KIAA0825: variants seen among roughly 807,000 people sequenced by gnomAD.
The protein encoded by KIAA0825 is KIAA0825.
Under a neutral mutation model 147.6 loss-of-function variants are expected in KIAA0825, and 119 were observed. The ratio of observed to expected loss-of-function variants is 0.81; its 90% CI spans 0.69 to 0.94. The LOEUF (loss-of-function observed/expected upper bound fraction) is 0.94. Ranked by LOEUF, KIAA0825 falls within the 40% of genes least tolerant of loss-of-function variation. The pLI, the probability that KIAA0825 is intolerant of heterozygous loss-of-function variation, is 0.00. For synonymous variants in KIAA0825, 470 were observed against 518.1 expected (o/e 0.91, Z 1.26); for missense variants, 1,381 against 1,472.7 (o/e 0.94, Z 1.02).
intron 20 of KIAA0825, among the ~76,000 whole-genome samples, chr5:94,290,063 A>T (rs1777820035): frequency 6.6e-6 from 1 of 152,116 alleles, no homozygotes; most frequent in African/African-American, 2.4e-5. Flanking sequence ...AAAATGAACA[A>T]ATTTAATTGA....
chr5:94,452,997 C>T lies in KIAA0825; in HGVS notation c.2319G>A (p.Trp773Ter), dbSNP rs768041816. The T allele has an allele frequency of 2.0e-5, 31 of 1,530,018 alleles. No homozygotes were observed. In the South Asian group the frequency reaches 3.8e-4, roughly 19 times the overall value. The allele number at this position is 1,530,018 out of a possible 1,614,324, so 94.8% of individuals were successfully genotyped here. A position where few individuals can be genotyped will look rare whatever the true frequency, so the allele number is the denominator to read the frequency against. The change falls in exon 13 of 21, where the codon TGG becomes TGA. Residue 773 changes from tryptophan (W) to a stop codon, truncating the protein, a stop_gained. Coordinates refer to ENST00000682413, the MANE Select transcript of KIAA0825 (RefSeq NM_001145678.3). LOFTEE classifies it high-confidence loss of function. ...LKSFFKQPLY[W>*]VSCISHFYPS... Reference sequence around the variant, plus strand: ...GGTAGAAATGTGATATGCAAGAAACCCAATATAATGGTTGCTTAAAAAATG... The same window carrying T: ...GGTAGAAATGTGATATGCAAGAAACTCAATATAATGGTTGCTTAAAAAATG...
Position 94,520,833 on chromosome 5 carries a change from A to G in KIAA0825, c.385T>C (p.Phe129Leu). ...GATGTTCCACTTAGGGTTGATGGGA[A>G]TGAAACGCTGCTGTGGCAGGAGAGG... ...WDLSCHSSVS[F>L]PSTLSGTSFH... The change falls in exon 5 of 21, where the codon TTC (phenylalanine) becomes CTC (leucine). Residue 129 changes from phenylalanine to leucine, a missense_variant. By Grantham distance (22) the Phe-to-Leu change is conservative (BLOSUM62 0). Coordinates refer to ENST00000682413, the MANE Select transcript of KIAA0825 (RefSeq NM_001145678.3). The G allele has an allele frequency of 1.2e-6, 2 of 1,613,090 alleles. No homozygotes were observed. The highest frequency in any genetic ancestry group is 1.7e-6 in the Non-Finnish European group (2 of 1,179,358).
intron 20 of KIAA0825, among the ~76,000 whole-genome samples, chr5:94,171,523 A>T (rs1448192097): frequency 1.3e-5 from 2 of 152,178 alleles, no homozygotes; most frequent in Non-Finnish European, 2.9e-5. Flanking sequence ...TGTTTACCAC[A>T]TTGTCCTTAG....
intron 20 of KIAA0825, among the ~76,000 whole-genome samples, chr5:94,363,484 T>A (rs1262132720): frequency 6.6e-6 from 1 of 152,144 alleles, no homozygotes; most frequent in Non-Finnish European, 1.5e-5. Flanking sequence ...GTGGGTGGGA[T>A]TATAAGGTGA....
At chr5:94,367,212 T>C (rs545423624) in intron 20 of KIAA0825, among the ~76,000 whole-genome samples, 2 of 152,324 alleles carry the variant, frequency 1.3e-5, no homozygotes, top group South Asian at 4.1e-4. Context: ...CTTTATTTTT[T>C]ACACCTGTTG....
intron 6 of KIAA0825, among the ~76,000 whole-genome samples, chr5:94,477,522 CATT>C (rs1426230046): frequency 2.6e-5 from 4 of 151,764 alleles, no homozygotes; most frequent in Admixed American, 2.0e-4. Context: ...AGATTTTTGT[CATT>C]AGTTTATTTT....
chr5:94,204,308 T>C lies in KIAA0825; in HGVS notation c.3711-50184A>G, dbSNP rs189086346. 1.9e-3 allele frequency among the ~76,000 whole-genome samples: 283 copies of C among 152,300 alleles called. 1 individual carries two copies. The highest frequency in any genetic ancestry group is 3.4e-3 in the Admixed American group (52 of 15,300). ...CATTTTTCTCTTTCAGAGTTCAAGT[T>C]CACATTAAAGTAGTTACCCAAGACA... On this transcript the variant is annotated intron_variant, in intron 20 of 20. Coordinates refer to ENST00000682413, the MANE Select transcript of KIAA0825 (RefSeq NM_001145678.3).
intron 1 of KIAA0825, among the ~76,000 whole-genome samples, chr5:94,585,030 C>A (rs929943187): frequency 3.3e-5 from 5 of 152,108 alleles, no homozygotes; most frequent in African/African-American, 1.2e-4. Context: ...TACAAGAGCT[C>A]CTGAAGGAAG....
chr5:94,368,244 C>G (rs1584274950), intron 20 of KIAA0825, among the ~76,000 whole-genome samples: 1 of 152,220 alleles, frequency 6.6e-6, no homozygotes, highest in East Asian at 1.9e-4. Context: ...GCAATCACAG[C>G]TCACTACAGT....
chr5:94,497,429 TTTATATTAGAGAA>T (rs1232306983), intron 5 of KIAA0825, among the ~76,000 whole-genome samples: 3 of 152,152 alleles, frequency 2.0e-5, no homozygotes, highest in East Asian at 1.9e-4. Context: ...CATTATGTAA[TTTATATTAGAGAA>T]TTATATTAGA....
chr5:94,594,275 T>C, intron 1 of KIAA0825: 1 of 629,940 alleles, frequency 1.6e-6, no homozygotes. Context: ...TGGAATGCCC[T>C]GAGTTTCAGA....
intron 20 of KIAA0825, among the ~76,000 whole-genome samples, chr5:94,196,103 G>A (rs531391795): frequency 2.3e-4 from 35 of 152,184 alleles, no homozygotes; most frequent in Non-Finnish European, 4.3e-4. Flanking sequence ...TACGGACCTC[G>A]GCTCCCTTAC....
At chr5:94,262,424 C>T (rs1776542562) in intron 20 of KIAA0825, among the ~76,000 whole-genome samples, 1 of 152,068 alleles carries the variant, frequency 6.6e-6, no homozygotes, top group Admixed American at 6.5e-5. Context: ...TATGTTTAAT[C>T]AGGCTTTTAC....
chr5:94,168,349 AG>A (rs2149940658), intron 20 of KIAA0825, among the ~76,000 whole-genome samples: 1 of 152,296 alleles, frequency 6.6e-6, no homozygotes, highest in South Asian at 2.1e-4. Context: ...CTCAGGAACA[AG>A]CAACAAAACC....
At chr5:94,218,636 C>T (rs183473654) in intron 20 of KIAA0825, among the ~76,000 whole-genome samples, 135 of 152,264 alleles carry the variant, frequency 8.9e-4, no homozygotes, top group Admixed American at 2.2e-3. Flanking sequence ...GGGAGATTGC[C>T]AACATACCAC....
chr5:94,253,602 C>T (rs1021971756), intron 20 of KIAA0825, among the ~76,000 whole-genome samples: 25 of 152,192 alleles, frequency 1.6e-4, no homozygotes, highest in Admixed American at 1.2e-3. Flanking sequence ...CTCAAGTATA[C>T]GCCCTAAGAT....
At chr5:94,546,792 C>CAAAAAAAAAAAAAA (rs372542896) in intron 2 of KIAA0825, among the ~76,000 whole-genome samples, 2 of 49,654 alleles carry the variant, frequency 4.0e-5, no homozygotes, top group African/African-American at 8.9e-5. Context: ...GTCCAGGCAC[C>CAAAAAAAAAAAAAA]AAAAAAAAAA....
At chr5:94,568,068 T>C (rs1218593267) in intron 2 of KIAA0825, 1 of 164,760 alleles carries the variant, frequency 6.1e-6, no homozygotes, top group Admixed American at 6.4e-5. Flanking sequence ...TTAGGACTCA[T>C]GGTAGTCACA....
intron 20 of KIAA0825, among the ~76,000 whole-genome samples, chr5:94,282,267 C>A (rs1405153304): frequency 6.6e-6 from 1 of 152,054 alleles, no homozygotes; most frequent in Non-Finnish European, 1.5e-5. Flanking sequence ...AATACAACAT[C>A]AGTTCTCCCA....
Sources: gnomAD v4.1 joint callset for allele counts (sites outside exome capture counted in the v4.1 genomes callset) on GRCh38, gnomAD v4.1.1 for gene constraint, MANE v1.5 for transcripts, NCBI Gene and HGNC (gene_info 2026-07-23, HGNC 2026-07-21) for gene names.